CTNND2: variants seen among roughly 807,000 people sequenced by gnomAD.
The protein encoded by CTNND2 is catenin delta 2.
CTNND2 carries 22 observed loss-of-function variants against 144.4 expected under a neutral mutation model. That is an observed-to-expected ratio of 0.15 (90% CI 0.11 to 0.22). The LOEUF (loss-of-function observed/expected upper bound fraction) is 0.22, where lower values mean the gene tolerates loss of function less well. Ranked by LOEUF, CTNND2 falls within the 10% of genes least tolerant of loss-of-function variation. The pLI is 1.00. For missense variants in CTNND2, 1,353 were observed against 1,618.8 expected (o/e 0.84, Z 2.82); for synonymous variants, 751 against 695.6 (o/e 1.08, Z -1.25).
intron 1 of CTNND2, among the ~76,000 whole-genome samples, chr5:11,900,345 C>G (rs924472921): frequency 6.6e-6 from 1 of 152,178 alleles, no homozygotes; most frequent in Admixed American, 6.5e-5. Context: ...GGTGTCATAA[C>G]TGCAGATTTT....
In CTNND2 at chr5:11,125,135, G is replaced by A. The variant is rs151187321; in HGVS notation, c.2160-7568C>T. On this transcript the variant is annotated intron_variant, in intron 12 of 21. Transcript: ENST00000304623. ...TTGTCCTCTTTGTTGAGTGCCCAGG[G>A]GTGGGGAAGGAAGGGGTGTCTTCGC... Among the ~76,000 whole-genome samples the A allele has an allele frequency of 5.9e-5, 9 of 152,288 alleles. No individual in the cohort carries two copies. The East Asian group carries it at 1.6e-3, about 26-fold the overall frequency.
intron 8 of CTNND2, among the ~76,000 whole-genome samples, chr5:11,351,306 TC>T (rs764795334): frequency 1.1e-4 from 16 of 152,150 alleles, no homozygotes; most frequent in Admixed American, 2.0e-4. Context: ...CACTCCTCTC[TC>T]GTCTCACCTG....
chr5:11,058,972 T>C (rs2149592070), intron 16 of CTNND2, among the ~76,000 whole-genome samples: 1 of 152,324 alleles, frequency 6.6e-6, no homozygotes. Flanking sequence ...AATGGCTGTA[T>C]TTACCCAATA....
At chr5:11,508,274 T>C (rs1039549316) in intron 3 of CTNND2, 9 of 152,228 alleles carry the variant, frequency 5.9e-5, no homozygotes, top group African/African-American at 1.7e-4. Context: ...CGGTTCTCTC[T>C]TCAACACACT....
chr5:11,654,277 G>A (rs918182331), intron 2 of CTNND2, among the ~76,000 whole-genome samples: 6 of 151,938 alleles, frequency 3.9e-5, no homozygotes, highest in Admixed American at 3.9e-4. Context: ...ATGTCATTGG[G>A]ATTTTGGTGC....
At chr5:11,255,708 G>A (rs1047776732) in intron 9 of CTNND2, among the ~76,000 whole-genome samples, 1 of 151,950 alleles carries the variant, frequency 6.6e-6, no homozygotes, top group African/African-American at 2.4e-5. Flanking sequence ...AGTAACTGTT[G>A]GGGAAAAAAT....
At chr5:11,269,965 C>A (rs1264492266) in intron 9 of CTNND2, among the ~76,000 whole-genome samples, 1 of 152,114 alleles carries the variant, frequency 6.6e-6, no homozygotes, top group Non-Finnish European at 1.5e-5. Flanking sequence ...AATCACATGA[C>A]AATTATTTTT....
At chr5:11,801,324 T>A (rs999359374) in intron 1 of CTNND2, among the ~76,000 whole-genome samples, 16 of 152,166 alleles carry the variant, frequency 1.1e-4, no homozygotes, top group Non-Finnish European at 2.4e-4. Context: ...TAGCTACATT[T>A]ACTAAGGGCA....
At chr5:11,898,927 A>G (rs1737628336) in intron 1 of CTNND2, among the ~76,000 whole-genome samples, 1 of 152,328 alleles carries the variant, frequency 6.6e-6, no homozygotes, top group Middle Eastern at 3.4e-3. Flanking sequence ...ATGTTGCTGA[A>G]GATCACAGTT....
chr5:11,137,617 G>T (rs1756293568), intron 12 of CTNND2, among the ~76,000 whole-genome samples: 1 of 152,198 alleles, frequency 6.6e-6, no homozygotes, highest in Admixed American at 6.5e-5. Context: ...TAGGGAGGAA[G>T]AATGCTTTTG....
At chr5:11,423,336 G>A (rs2149857514) in intron 3 of CTNND2, among the ~76,000 whole-genome samples, 1 of 152,324 alleles carries the variant, frequency 6.6e-6, no homozygotes, top group Admixed American at 6.5e-5. Flanking sequence ...TCCTGAGAGT[G>A]AAGAGAGAGC....
intron 9 of CTNND2, among the ~76,000 whole-genome samples, chr5:11,255,741 C>G (rs1424496498): frequency 6.6e-6 from 1 of 152,124 alleles, no homozygotes; most frequent in Admixed American, 6.5e-5. Flanking sequence ...AGTTTGGTTT[C>G]TAAGCTCCTC....
chr5:11,546,860 C>T (rs1581464653), intron 3 of CTNND2, among the ~76,000 whole-genome samples: 1 of 152,102 alleles, frequency 6.6e-6, no homozygotes, highest in Non-Finnish European at 1.5e-5. Flanking sequence ...GGCATTAAAG[C>T]TTATGAGACA....
chr5:11,142,714 C>A (rs1048660114), intron 12 of CTNND2, among the ~76,000 whole-genome samples: 1 of 150,872 alleles, frequency 6.6e-6, no homozygotes, highest in Admixed American at 6.6e-5. Flanking sequence ...CCCGGGTTCA[C>A]GCCATTCTCC....
At chr5:11,543,805 C>T (rs1381314693) in intron 3 of CTNND2, among the ~76,000 whole-genome samples, 2 of 152,150 alleles carry the variant, frequency 1.3e-5, no homozygotes, top group Admixed American at 1.3e-4. Flanking sequence ...TGATGCTCTA[C>T]CCAATACAGA....
chr5:11,896,682 A>G (rs142809215), intron 1 of CTNND2, among the ~76,000 whole-genome samples: 20 of 152,276 alleles, frequency 1.3e-4, no homozygotes, highest in African/African-American at 3.6e-4. Flanking sequence ...GTAATATATA[A>G]AGAACAAAAC....
At chr5:11,667,791 T>C (rs1783656000) in intron 2 of CTNND2, among the ~76,000 whole-genome samples, 1 of 152,268 alleles carries the variant, frequency 6.6e-6, no homozygotes, top group Non-Finnish European at 1.5e-5. Context: ...TTTTCTATTT[T>C]GGCTTTTGTT....
chr5:11,125,079 A>G (rs990023226), intron 12 of CTNND2, among the ~76,000 whole-genome samples: 14 of 152,120 alleles, frequency 9.2e-5, no homozygotes, highest in African/African-American at 2.7e-4. Flanking sequence ...CATTGTCCAA[A>G]AAGCCCATCC....
At chr5:11,670,982 A>G (rs1362574012) in intron 2 of CTNND2, among the ~76,000 whole-genome samples, 2 of 152,012 alleles carry the variant, frequency 1.3e-5, no homozygotes, top group Non-Finnish European at 2.9e-5. Context: ...TGGTGACAAA[A>G]TCTCTCAGCA....
Sources: allele counts gnomAD v4.1 joint callset (sites outside exome capture counted in the v4.1 genomes callset), GRCh38; gene constraint gnomAD v4.1.1; transcripts MANE v1.5; gene names NCBI Gene and HGNC (gene_info 2026-07-23, HGNC 2026-07-21).